Variants in HS3ST3B1 observed in about 807,000 individuals in gnomAD.
The protein encoded by HS3ST3B1 is heparan sulfate glucosamine 3-O-sulfotransferase 3B1.
HS3ST3B1 carries 13 observed loss-of-function variants against 21.3 expected under a neutral mutation model. The observed-to-expected ratio is 0.61, with a 90% CI of 0.40 to 0.97. HS3ST3B1 has a LOEUF of 0.97. Among genes scored for constraint, HS3ST3B1 ranks in the 50% least tolerant of loss-of-function variants. The pLI is 0.00. For synonymous variants in HS3ST3B1, 234 were observed against 254.8 expected, an observed-to-expected ratio of 0.92 and a Z score of 0.78; for missense variants, 459 against 554.8, an observed-to-expected ratio of 0.83 and a Z score of 1.73.
chr17:14,338,892 T>G (rs916160780), intron 1 of HS3ST3B1, among the ~76,000 whole-genome samples: 1 of 152,172 alleles, frequency 6.6e-6, no homozygotes, highest in African/African-American at 2.4e-5. Flanking sequence ...TCCCCAAATC[T>G]TAATGGGGTG....
chr17:14,349,223 A>G lies in HS3ST3B1; in HGVS notation c.*3577A>G, dbSNP rs1020629727. 6 of 152,212 alleles carry G rather than the reference A, an allele frequency of 3.9e-5. No individual in the cohort carries two copies. Among genetic ancestry groups the G allele is most frequent in the African/African-American group, 1.2e-4 (5 of 41,462 alleles). 9.4% of individuals were successfully genotyped at this position (152,212 alleles called of 1,614,324 possible). On this transcript the variant is annotated 3_prime_UTR_variant, in exon 2 of 2. Transcript: ENST00000360954. ...TAATCTAAAATACTGTGCAAATTCT[A>G]GCAGTATGTCTTCGATAACTTGGAT...
intron 1 of HS3ST3B1, among the ~76,000 whole-genome samples, chr17:14,338,129 C>T (rs996702918): frequency 7.9e-5 from 12 of 151,728 alleles, no homozygotes; most frequent in East Asian, 7.7e-4. Context: ...ACAGAGGTGG[C>T]GTATACCATT....
At chr17:14,344,978 C>A in intron 1 of HS3ST3B1, 50 bp from the exon 2 acceptor site, 1 of 1,583,086 alleles carries the variant, frequency 6.3e-7, no homozygotes, top group Non-Finnish European at 8.6e-7. Flanking sequence ...AGACGTGTGG[C>A]CAGAGAGGCG....
Position 14,331,377 on chromosome 17 carries a change from A to G in HS3ST3B1, c.555-13651A>G, listed in dbSNP as rs1299396001. Reference sequence around the variant, plus strand: ...GGCCTATAACCGAGGATTCTGCCCCAATGAAAGGGATCTTGAGTTGACCCA... The same window carrying G: ...GGCCTATAACCGAGGATTCTGCCCCGATGAAAGGGATCTTGAGTTGACCCA... On this transcript the variant is annotated intron_variant, in intron 1 of 1. Coordinates refer to ENST00000360954, the MANE Select transcript of HS3ST3B1 (RefSeq NM_006041.3). Among the ~76,000 whole-genome samples, 11 of 151,780 alleles carry G rather than the reference A, an allele frequency of 7.2e-5. No individual in the cohort carries two copies. In the South Asian group the frequency reaches 2.1e-3, roughly 29 times the overall value.
chr17:14,312,027 T>C (rs554318214), intron 1 of HS3ST3B1, among the ~76,000 whole-genome samples: 2 of 152,302 alleles, frequency 1.3e-5, no homozygotes, highest in South Asian at 4.1e-4. Context: ...GATTTTTGCA[T>C]TTTACTTTTC....
intron 1 of HS3ST3B1, among the ~76,000 whole-genome samples, chr17:14,312,563 G>T (rs186011025): frequency 8.5e-5 from 13 of 152,056 alleles, no homozygotes; most frequent in Admixed American, 7.9e-4. Context: ...GTTGATGGTG[G>T]CGGTCTTCAA....
chr17:14,333,865 C>G (rs1910102186), intron 1 of HS3ST3B1, among the ~76,000 whole-genome samples: 1 of 151,830 alleles, frequency 6.6e-6, no homozygotes, highest in Non-Finnish European at 1.5e-5. Flanking sequence ...CGGGTTCAAG[C>G]GATTCTCCTG....
At position 14,313,117 on chromosome 17, in the gene HS3ST3B1, T is replaced by TATATAC. The variant is rs1909377888; in HGVS notation, c.554+11050_554+11051insCATATA. On this transcript the variant is annotated intron_variant, in intron 1 of 1. Coordinates refer to ENST00000360954, the MANE Select transcript of HS3ST3B1 (RefSeq NM_006041.3). Reference sequence around the variant, plus strand: ...TGGTGTGTGTGTGTGTGTATATATATATATATGTGTGTGTGTGTATATATA... The same window carrying TATATAC: ...TGGTGTGTGTGTGTGTGTATATATATATATACATATATGTGTGTGTGTGTATATATA... Among the ~76,000 whole-genome samples the TATATAC allele has an allele frequency of 1.9e-4, 18 of 95,512 alleles. No homozygotes were observed. In the East Asian group the frequency reaches 2.8e-3, roughly 15 times the overall value. The allele number at this position is 95,512 out of a possible 152,430, so 62.7% of individuals were successfully genotyped here. A position where few individuals can be genotyped will look rare whatever the true frequency, so the allele number is the denominator to read the frequency against.
At chr17:14,307,868 G>A (rs1289790638) in intron 1 of HS3ST3B1, among the ~76,000 whole-genome samples, 2 of 152,122 alleles carry the variant, frequency 1.3e-5, no homozygotes, top group African/African-American at 2.4e-5. Flanking sequence ...TTTAACAGTC[G>A]ATGATTTCAG....
At chr17:14,326,756 T>C (rs1909830245) in intron 1 of HS3ST3B1, among the ~76,000 whole-genome samples, 1 of 151,428 alleles carries the variant, frequency 6.6e-6, no homozygotes, top group Non-Finnish European at 1.5e-5. Context: ...CCATCTCTAC[T>C]ACAAATACAA....
intron 1 of HS3ST3B1, among the ~76,000 whole-genome samples, chr17:14,333,029 A>G (rs1332547984): frequency 6.6e-6 from 1 of 151,960 alleles, no homozygotes; most frequent in African/African-American, 2.4e-5. Context: ...GGTGATGAGA[A>G]TAATACCCAT....
intron 1 of HS3ST3B1, among the ~76,000 whole-genome samples, chr17:14,344,770 G>A (rs531634703): frequency 6.6e-6 from 1 of 152,268 alleles, no homozygotes; most frequent in South Asian, 2.1e-4. Flanking sequence ...CCCACAAGAG[G>A]ATCTTAGAGA....
At chr17:14,302,650 G>T (rs1050682310) in intron 1 of HS3ST3B1, among the ~76,000 whole-genome samples, 1 of 152,046 alleles carries the variant, frequency 6.6e-6, no homozygotes, top group East Asian at 1.9e-4. Flanking sequence ...CGAGCCGCCT[G>T]GGCTCGGGAG....
chr17:14,316,418 G>A (rs886273912), intron 1 of HS3ST3B1, among the ~76,000 whole-genome samples: 1 of 152,172 alleles, frequency 6.6e-6, no homozygotes, highest in Admixed American at 6.5e-5. Flanking sequence ...TCTGTAAGCA[G>A]GCTAATTGCA....
At chr17:14,310,206 C>G (rs1909263764) in intron 1 of HS3ST3B1, among the ~76,000 whole-genome samples, 1 of 152,196 alleles carries the variant, frequency 6.6e-6, no homozygotes, top group Non-Finnish European at 1.5e-5. Context: ...CCTTCCGATC[C>G]CTGAATCTCA....
intron 1 of HS3ST3B1, among the ~76,000 whole-genome samples, chr17:14,341,747 A>G (rs191575733): frequency 4.3e-4 from 66 of 152,252 alleles, no homozygotes; most frequent in African/African-American, 1.3e-3. Flanking sequence ...TATTCCTTCA[A>G]TCGTGGTGAT....
intron 1 of HS3ST3B1, among the ~76,000 whole-genome samples, chr17:14,314,764 C>T (rs1909446290): frequency 6.6e-6 from 1 of 152,188 alleles, no homozygotes; most frequent in Admixed American, 6.5e-5. Context: ...GCCCTCCCTG[C>T]CCCTTCCTGT....
intron 1 of HS3ST3B1, among the ~76,000 whole-genome samples, chr17:14,313,485 A>T (rs1909397436): frequency 6.6e-6 from 1 of 152,164 alleles, no homozygotes; most frequent in African/African-American, 2.4e-5. Flanking sequence ...CCTCAGAGAG[A>T]TGGCAGCCTG....
chr17:14,311,750 T>C (rs1909311541), intron 1 of HS3ST3B1, among the ~76,000 whole-genome samples: 1 of 152,144 alleles, frequency 6.6e-6, no homozygotes, highest in Non-Finnish European at 1.5e-5. Flanking sequence ...CATGAACTTG[T>C]CCCTGAGAAG....
Sources: allele counts gnomAD v4.1 joint callset (sites outside exome capture counted in the v4.1 genomes callset), GRCh38; gene constraint gnomAD v4.1.1; transcripts MANE v1.5; gene names NCBI Gene and HGNC (gene_info 2026-07-23, HGNC 2026-07-21).